The following FSTL4 variants were observed in gnomAD, a reference collection of about 807,000 sequenced individuals.
FSTL4 encodes follistatin-related protein 4.
Under a neutral mutation model 78.2 loss-of-function variants are expected in FSTL4, and 28 were observed. The ratio of observed to expected loss-of-function variants is 0.36; its 90% confidence interval spans 0.27 to 0.49. The LOEUF is 0.49. Among genes scored for constraint, FSTL4 ranks in the 20% least tolerant of loss-of-function variants. The probability of loss-of-function intolerance (pLI) is 0.98; values close to 1 mark genes in which losing one functional copy is unlikely to be tolerated. For synonymous variants in FSTL4, 422 were observed against 440.5 expected (o/e 0.96, Z 0.53); for missense variants, 922 against 1,084.9 (o/e 0.85, Z 2.11).
At chr5:133,566,642 C>T (rs1760032599) in intron 3 of FSTL4, among the ~76,000 whole-genome samples, 1 of 152,214 alleles carries the variant, frequency 6.6e-6, no homozygotes, top group Non-Finnish European at 1.5e-5. Flanking sequence ...TATATGTTTA[C>T]CTCAGAGACC....
intron 3 of FSTL4, among the ~76,000 whole-genome samples, chr5:133,538,701 T>C (rs991944135): frequency 2.6e-5 from 4 of 152,204 alleles, no homozygotes; most frequent in African/African-American, 7.2e-5. Context: ...TGTGTTATAA[T>C]TATTTTCCAG....
the FSTL4 span, among the ~76,000 whole-genome samples, chr5:133,700,964 C>A: frequency 1.3e-5 from 2 of 152,208 alleles, no homozygotes; most frequent in Non-Finnish European, 2.9e-5. Context: ...GAAGGACGGG[C>A]CTCTCTCTGC....
chr5:133,799,855 A>G, the FSTL4 span, among the ~76,000 whole-genome samples: 1 of 138,888 alleles, frequency 7.2e-6, no homozygotes, highest in African/African-American at 2.6e-5. Flanking sequence ...ACAAGGCCAC[A>G]ACAGAGATGC....
intron 4 of FSTL4, among the ~76,000 whole-genome samples, chr5:133,348,311 A>G (rs1692513339): frequency 6.6e-6 from 1 of 152,264 alleles, no homozygotes; most frequent in African/African-American, 2.4e-5. Context: ...CATAAAGTTT[A>G]GAGTCTAAGC....
the FSTL4 span, among the ~76,000 whole-genome samples, chr5:133,693,225 ACT>A: frequency 6.6e-6 from 1 of 152,022 alleles, no homozygotes. Context: ...CTTTACACTG[ACT>A]CTCTCATAAA....
At chr5:133,561,453 C>G (rs575861472) in intron 3 of FSTL4, among the ~76,000 whole-genome samples, 1 of 152,152 alleles carries the variant, frequency 6.6e-6, no homozygotes, top group Non-Finnish European at 1.5e-5. Flanking sequence ...TTTGCAAACC[C>G]TGAGGGGATT....
chr5:133,672,620 T>G, the FSTL4 span, among the ~76,000 whole-genome samples: 1 of 152,220 alleles, frequency 6.6e-6, no homozygotes, highest in Non-Finnish European at 1.5e-5. Context: ...AACAAATCAA[T>G]GCAATTGAGA....
chr5:133,371,403 T>C (rs1018608182), intron 4 of FSTL4, among the ~76,000 whole-genome samples: 3 of 151,860 alleles, frequency 2.0e-5, no homozygotes, highest in African/African-American at 7.3e-5. Context: ...AAATCATGGC[T>C]AGTGTCCCTA....
the FSTL4 span, among the ~76,000 whole-genome samples, chr5:133,627,293 G>A: frequency 2.0e-5 from 3 of 151,936 alleles, no homozygotes; most frequent in Admixed American, 2.0e-4. Context: ...TGAGGAGCAA[G>A]GCACAATCAT....
the FSTL4 span, among the ~76,000 whole-genome samples, chr5:133,820,617 A>G: frequency 6.6e-6 from 1 of 152,238 alleles, no homozygotes; most frequent in African/African-American, 2.4e-5. Context: ...GAAAATAGTT[A>G]CTTTACAGGA....
chr5:133,427,842 T>G (rs1332977542), intron 3 of FSTL4: 2 of 376,792 alleles, frequency 5.3e-6, no homozygotes, highest in African/African-American at 4.1e-5. Context: ...TCCAGAGAAG[T>G]GTGAGGGTTT....
At chr5:133,267,314 C>T (rs1175322583) in intron 6 of FSTL4, among the ~76,000 whole-genome samples, 1 of 152,076 alleles carries the variant, frequency 6.6e-6, no homozygotes, top group African/African-American at 2.4e-5. Context: ...GTCCCTGAGC[C>T]CTGGCTTAGG....
chr5:133,595,932 C>T (rs767254411), intron 2 of FSTL4, among the ~76,000 whole-genome samples: 2 of 152,182 alleles, frequency 1.3e-5, no homozygotes, highest in African/African-American at 4.8e-5. Flanking sequence ...AAGGCAGGGC[C>T]GGGGATGCCT....
the FSTL4 span, among the ~76,000 whole-genome samples, chr5:133,790,144 C>T: frequency 6.6e-6 from 1 of 152,150 alleles, no homozygotes; most frequent in South Asian, 2.1e-4. Flanking sequence ...TTTCTCTGCT[C>T]AAAAACTTCA....
At chr5:133,689,944 C>T in the FSTL4 span, among the ~76,000 whole-genome samples, 2 of 148,362 alleles carry the variant, frequency 1.3e-5, no homozygotes, top group African/African-American at 5.3e-5. Flanking sequence ...ACCTGTAATC[C>T]CAGCCACTCC....
At chr5:133,769,483 T>C in the FSTL4 span, among the ~76,000 whole-genome samples, 1 of 152,156 alleles carries the variant, frequency 6.6e-6, no homozygotes, top group African/African-American at 2.4e-5. Context: ...TTCCTGAACA[T>C]GCCACTCTGT....
At chr5:133,310,031 C>T (rs549588341) in intron 6 of FSTL4, among the ~76,000 whole-genome samples, 59 of 152,266 alleles carry the variant, frequency 3.9e-4, no homozygotes, top group South Asian at 4.1e-4. Context: ...TTTCAATTAC[C>T]TATTTAAAAT....
At chr5:133,687,561 C>T in the FSTL4 span, among the ~76,000 whole-genome samples, 1 of 152,196 alleles carries the variant, frequency 6.6e-6, no homozygotes, top group Non-Finnish European at 1.5e-5. Context: ...TCATTGCACA[C>T]TGGAAGGGCT....
the FSTL4 span, among the ~76,000 whole-genome samples, chr5:133,724,870 C>A: frequency 1.3e-5 from 2 of 152,142 alleles, no homozygotes; most frequent in Non-Finnish European, 2.9e-5. Context: ...GGTTTATAAT[C>A]CATTTCGAGT....
Sources: allele counts gnomAD v4.1 joint callset (sites outside exome capture counted in the v4.1 genomes callset), GRCh38; gene constraint gnomAD v4.1.1; transcripts MANE v1.5; gene names NCBI Gene and HGNC (gene_info 2026-07-23, HGNC 2026-07-21).